The following ALDH1A2 variants were observed in gnomAD, a reference collection of about 807,000 sequenced individuals.
ALDH1A2 encodes retinal dehydrogenase 2.
ALDH1A2 carries 27 observed loss-of-function variants against 60.3 expected under a neutral mutation model. The ratio of observed to expected loss-of-function variants is 0.45; its 90% CI spans 0.33 to 0.62. The LOEUF (loss-of-function observed/expected upper bound fraction) is 0.62, where lower values mean the gene tolerates loss of function less well. Among genes scored for constraint, ALDH1A2 ranks in the 20% least tolerant of loss-of-function variants. The pLI, the probability that ALDH1A2 is intolerant of heterozygous loss-of-function variation, is 0.02. For synonymous variants in ALDH1A2, 289 were observed against 232.4 expected, an observed-to-expected ratio of 1.24 and a Z score of -2.21; for missense variants, 581 against 643.8, an observed-to-expected ratio of 0.90 and a Z score of 1.06.
rs148511557 is a variant in ALDH1A2, at chr15:58,051,359, TTTTATTTA to T, written c.117+14167_117+14174del. ...GTACATCTTAAACTTAATTTTCTCT[TTTTATTTA>T]TTTATTTTTTTAGATAGGCAACTTC... On this transcript the variant is annotated intron_variant, in intron 1 of 12. Coordinates refer to ENST00000249750, the MANE Select transcript of ALDH1A2 (RefSeq NM_003888.4). Among the ~76,000 whole-genome samples the T allele has an allele frequency of 1.8e-3, 275 of 151,682 alleles. 2 individuals carry two copies. The highest frequency in any genetic ancestry group is 6.5e-3 in the African/African-American group (267 of 41,394).
intron 1 of ALDH1A2, among the ~76,000 whole-genome samples, chr15:58,061,610 C>CA (rs1216992550): frequency 7.0e-5 from 7 of 100,368 alleles, no homozygotes; most frequent in East Asian, 5.3e-4. Flanking sequence ...AAAAAAAAAA[C>CA]AAAAAAAAAA....
At chr15:58,023,625 G>A (rs1432171773) in intron 1 of ALDH1A2, among the ~76,000 whole-genome samples, 1 of 134,972 alleles carries the variant, frequency 7.4e-6, no homozygotes, top group East Asian at 2.1e-4. Context: ...TTACAGGCCA[G>A]AAGAGAATGA....
intron 1 of ALDH1A2, among the ~76,000 whole-genome samples, chr15:58,045,050 GA>G (rs1279914116): frequency 6.6e-6 from 1 of 151,630 alleles, no homozygotes; most frequent in Middle Eastern, 3.2e-3. Flanking sequence ...AAATCTACAA[GA>G]AAAAAACAAA....
chr15:57,964,313 T>C (rs1893826295), intron 8 of ALDH1A2: 2 of 515,764 alleles, frequency 3.9e-6, no homozygotes, highest in Non-Finnish European at 7.0e-6. Context: ...GAACCTCGTG[T>C]ATAACAGGAG....
chr15:58,053,478 G>A (rs1896826557), intron 1 of ALDH1A2, among the ~76,000 whole-genome samples: 1 of 152,142 alleles, frequency 6.6e-6, no homozygotes, highest in African/African-American at 2.4e-5. Flanking sequence ...GTAGCAATAA[G>A]TTAGTGACTT....
At chr15:58,010,474 A>T (rs1253568283) in intron 4 of ALDH1A2, among the ~76,000 whole-genome samples, 175 bp downstream of exon 4, 1 of 152,282 alleles carries the variant, frequency 6.6e-6, no homozygotes, top group South Asian at 2.1e-4. Context: ...CTATCTATAG[A>T]AAAAGGGATG....
intron 1 of ALDH1A2, among the ~76,000 whole-genome samples, chr15:58,024,641 G>A (rs1388333225): frequency 6.6e-6 from 1 of 152,072 alleles, no homozygotes; most frequent in African/African-American, 2.4e-5. Flanking sequence ...GTCAGCACTA[G>A]ACAGATCATC....
At chr15:58,030,809 G>T (rs1896216553) in intron 1 of ALDH1A2, among the ~76,000 whole-genome samples, 1 of 151,948 alleles carries the variant, frequency 6.6e-6, no homozygotes, top group South Asian at 2.1e-4. Flanking sequence ...AAATACCTAG[G>T]AATCCAATTT....
intron 7 of ALDH1A2, among the ~76,000 whole-genome samples, chr15:57,981,754 A>G (rs1894522084): frequency 6.6e-6 from 1 of 152,240 alleles, no homozygotes; most frequent in South Asian, 2.1e-4. Flanking sequence ...AAAAATAAAT[A>G]GAAAACAATG....
In ALDH1A2 at chr15:57,971,078, C is replaced by A. The variant is rs1045785718; in HGVS notation, c.799-5251G>T. On this transcript the variant is annotated intron_variant, in intron 7 of 12. Coordinates refer to ENST00000249750, the MANE Select transcript of ALDH1A2 (RefSeq NM_003888.4). ...TCTGTGAAATTCAGATTATGAAGGC[C>A]AGTATAACCACTATGTTTCCAGCCT... is the stretch of plus-strand genomic sequence containing the variant. Among the ~76,000 whole-genome samples, 7 of 152,262 alleles carry A rather than the reference C, an allele frequency of 4.6e-5. No individual in the cohort carries two copies. In the East Asian group the frequency reaches 7.7e-4, roughly 17 times the overall value.
intron 1 of ALDH1A2, among the ~76,000 whole-genome samples, chr15:58,055,892 C>A (rs1896882829): frequency 8.4e-6 from 1 of 119,636 alleles, no homozygotes. Flanking sequence ...TAGAGTTATT[C>A]AAAAAAAAGG....
intron 1 of ALDH1A2, among the ~76,000 whole-genome samples, chr15:58,043,282 C>A (rs1896561904): frequency 6.6e-6 from 1 of 151,978 alleles, no homozygotes; most frequent in Non-Finnish European, 1.5e-5. Flanking sequence ...TACGGCACTT[C>A]AGAAAGCTAC....
intron 1 of ALDH1A2, among the ~76,000 whole-genome samples, chr15:58,042,046 A>G (rs11071366): frequency 6.6e-5 from 10 of 151,728 alleles, no homozygotes; most frequent in African/African-American, 2.2e-4. Flanking sequence ...ATTTGAACAT[A>G]TGATTTTTGG....
rs755590270 is a variant in ALDH1A2 at position 58,014,221 on chromosome 15, G to C, written c.178C>G (p.Pro60Ala). 6.2e-7 allele frequency: 1 copy of C among 1,614,034 alleles called. No individual in the cohort carries two copies. The highest frequency in any genetic ancestry group is 8.5e-7 in the Non-Finnish European group (1 of 1,179,970). The stretch of plus-strand genomic sequence containing the variant: ...TCACACACCTGTTCTCCTGTGGCTG[G>C]ATTATAGACAGGGAACACTCTCCCA... ...ESGRVFPVYN[P>A]ATGEQVCEVQ... The change falls in exon 2 of 13, where the codon CCA (proline) becomes GCA (alanine). Residue 60 changes from proline to alanine, a missense_variant. Physicochemically the swap from Pro to Ala is conservative, Grantham distance 27. Transcript: ENST00000249750.
At position 57,956,908 on chromosome 15, in the gene ALDH1A2, ACCTCACAATT is replaced by A. The variant is rs1250337246; in HGVS notation, c.1485-1649_1485-1640del. ...TGTAAGGAAGTCTACAGCATCAGAA[ACCTCACAATT>A]ATGGTTGCTTTCAAGTGTGACTGTT... is the stretch of plus-strand genomic sequence containing the variant. On this transcript the variant is annotated intron_variant, in intron 12 of 12. Transcript: ENST00000249750. Among the ~76,000 whole-genome samples the A allele has an allele frequency of 2.0e-5, 3 of 152,102 alleles. No homozygotes were observed. The East Asian group carries it at 5.8e-4, about 29-fold the overall frequency.
At chr15:57,976,865 T>G (rs1894276622) in intron 7 of ALDH1A2, among the ~76,000 whole-genome samples, 1 of 152,174 alleles carries the variant, frequency 6.6e-6, no homozygotes, top group Non-Finnish European at 1.5e-5. Context: ...TTGAACTAAT[T>G]TATACTCCCA....
chr15:58,060,463 CTTTTTTTTTTTT>C (rs35187901), intron 1 of ALDH1A2, among the ~76,000 whole-genome samples: 1 of 87,510 alleles, frequency 1.1e-5, no homozygotes, highest in African/African-American at 4.3e-5. Context: ...CCACACATAT[CTTTTTTTTTTTT>C]TTTTTTTTTT....
At chr15:58,020,090 G>T (rs1181290726) in intron 1 of ALDH1A2, among the ~76,000 whole-genome samples, 4 of 150,324 alleles carry the variant, frequency 2.7e-5, no homozygotes, top group African/African-American at 9.8e-5. Context: ...TTGGTTTTCT[G>T]TTCCTGTGTT....
chr15:57,974,467 C>G (rs772577706), intron 7 of ALDH1A2, among the ~76,000 whole-genome samples: 1 of 149,962 alleles, frequency 6.7e-6, no homozygotes, highest in Non-Finnish European at 1.5e-5. Context: ...AGAAATAGAC[C>G]CATATAAATA....
Sources: allele counts gnomAD v4.1 joint callset (sites outside exome capture counted in the v4.1 genomes callset), GRCh38; gene constraint gnomAD v4.1.1; transcripts MANE v1.5; gene names NCBI Gene and HGNC (gene_info 2026-07-23, HGNC 2026-07-21).